The following CCDC91 variants were observed in gnomAD, a reference collection of about 807,000 sequenced individuals.
CCDC91 encodes coiled-coil domain-containing protein 91.
A neutral mutation model predicts 63.2 loss-of-function variants in CCDC91; 48 were observed. The ratio of observed to expected loss-of-function variants is 0.76; its 90% confidence interval spans 0.60 to 0.97. The LOEUF (loss-of-function observed/expected upper bound fraction) is 0.97. Ranked by LOEUF, CCDC91 falls within the 50% of genes least tolerant of loss-of-function variation. CCDC91 has a pLI of 0.00. For synonymous variants in CCDC91, 167 were observed against 165.8 expected (o/e 1.01, Z -0.06); for missense variants, 500 against 494.6 (o/e 1.01, Z -0.10).
chr12:28,372,725 T>C (rs1944700206), intron 7 of CCDC91, among the ~76,000 whole-genome samples: 1 of 152,186 alleles, frequency 6.6e-6, no homozygotes, highest in East Asian at 1.9e-4. Flanking sequence ...CTAAGAGTTT[T>C]TTGGAGGAGT....
chr12:28,316,401 T>C (rs1939862872), intron 6 of CCDC91, among the ~76,000 whole-genome samples: 1 of 151,704 alleles, frequency 6.6e-6, no homozygotes, highest in Non-Finnish European at 1.5e-5. Flanking sequence ...TTTTCTAAAA[T>C]CTCTCATCAT....
At chr12:28,249,711 A>G (rs1480020139) in intron 1 of CCDC91, among the ~76,000 whole-genome samples, 2 of 151,498 alleles carry the variant, frequency 1.3e-5, no homozygotes. Context: ...TGCTCTCACT[A>G]TGATTACTTT....
At chr12:28,386,461 C>T (rs1436452704) in intron 7 of CCDC91, among the ~76,000 whole-genome samples, 11 of 152,170 alleles carry the variant, frequency 7.2e-5, no homozygotes, top group East Asian at 5.8e-4. Flanking sequence ...CTCTGCCTCC[C>T]GGGTTCAAGC....
At chr12:28,233,816 C>T (rs1253410798) in intron 1 of CCDC91, among the ~76,000 whole-genome samples, 1 of 151,994 alleles carries the variant, frequency 6.6e-6, no homozygotes. Flanking sequence ...ACATGAGCCT[C>T]TGTTACTTTA....
intron 1 of CCDC91, among the ~76,000 whole-genome samples, chr12:28,203,861 C>T (rs1424400974): frequency 6.6e-6 from 1 of 151,966 alleles, no homozygotes; most frequent in African/African-American, 2.4e-5. Flanking sequence ...GCTAAAAATT[C>T]AATTGAATTG....
chr12:28,531,340 A>G (rs865976418), intron 12 of CCDC91, among the ~76,000 whole-genome samples: 2 of 152,168 alleles, frequency 1.3e-5, no homozygotes, highest in Non-Finnish European at 2.9e-5. Context: ...GACTCGACAA[A>G]TTATCAAAAT....
chr12:28,243,033 A>G (rs1027486537), intron 1 of CCDC91, among the ~76,000 whole-genome samples: 1 of 152,206 alleles, frequency 6.6e-6, no homozygotes, highest in African/African-American at 2.4e-5. Context: ...TACAACCTGC[A>G]GAACCGTGGG....
intron 7 of CCDC91, among the ~76,000 whole-genome samples, chr12:28,370,940 TC>T (rs973002475): frequency 3.3e-5 from 5 of 152,046 alleles, no homozygotes; most frequent in Admixed American, 6.5e-5. Context: ...TCTAATCACT[TC>T]CTGCCAGGCC....
At chr12:28,439,387 A>C (rs1446816562) in intron 8 of CCDC91, among the ~76,000 whole-genome samples, 4 of 152,138 alleles carry the variant, frequency 2.6e-5, no homozygotes, top group African/African-American at 9.7e-5. Flanking sequence ...AGTGTCTTTT[A>C]AGTCATGTTA....
At chr12:28,491,098 C>A (rs1951977734) in intron 12 of CCDC91, among the ~76,000 whole-genome samples, 2 of 151,236 alleles carry the variant, frequency 1.3e-5, no homozygotes, top group Non-Finnish European at 3.0e-5. Context: ...CGGTATTTTT[C>A]ATTGGTTTTT....
At position 28,306,861 on chromosome 12, in the gene CCDC91, A is replaced by T. The variant is rs1938796185; in HGVS notation, c.387A>T (p.Val129=). The part of the protein sequence containing the change: ...VDDSEDPGAN[V]SNIQLQQKIS... ...ATTCTGAGGATCCTGGAGCCAATGT[A>T]TCTAACATACAGCTTCAGCAAAAAA... The change falls in exon 5 of 13, where the codon GTA becomes GTT. Residue 129 remains valine (V), a synonymous_variant. Coordinates refer to ENST00000536442, the MANE Select transcript of CCDC91 (RefSeq NM_018318.5). The T allele has an allele frequency of 1.2e-6, 2 of 1,612,212 alleles. No individual in the cohort carries two copies. The highest frequency in any genetic ancestry group is 1.7e-6 in the Non-Finnish European group (2 of 1,178,790).
intron 7 of CCDC91, among the ~76,000 whole-genome samples, chr12:28,372,097 C>A (rs556122609): frequency 6.6e-6 from 1 of 152,168 alleles, no homozygotes; most frequent in African/African-American, 2.4e-5. Context: ...AATAGGGTGT[C>A]CTTTCCTCAA....
intron 6 of CCDC91, among the ~76,000 whole-genome samples, chr12:28,318,075 CTT>C (rs950781342): frequency 6.6e-6 from 1 of 151,490 alleles, no homozygotes; most frequent in Non-Finnish European, 1.5e-5. Context: ...AGCTTTAACT[CTT>C]TTTTTATTAG....
At chr12:28,471,953 G>T (rs1194482708) in intron 11 of CCDC91, among the ~76,000 whole-genome samples, 1 of 152,074 alleles carries the variant, frequency 6.6e-6, no homozygotes, top group East Asian at 1.9e-4. Context: ...GTTTTGCCCT[G>T]TTGGCCAGGC....
chr12:28,546,516 T>C (rs141998781), intron 12 of CCDC91, among the ~76,000 whole-genome samples: 1 of 152,162 alleles, frequency 6.6e-6, no homozygotes, highest in Non-Finnish European at 1.5e-5. Context: ...TGATTTATAA[T>C]TGGAGGTAGC....
At chr12:28,379,190 A>G (rs903241421) in intron 7 of CCDC91, among the ~76,000 whole-genome samples, 41 of 152,102 alleles carry the variant, frequency 2.7e-4, no homozygotes, top group Non-Finnish European at 4.6e-4. Context: ...TAGAGTTTAC[A>G]TAAAAACCCT....
intron 11 of CCDC91, among the ~76,000 whole-genome samples, chr12:28,478,184 A>C (rs1211073943): frequency 6.6e-6 from 1 of 152,174 alleles, no homozygotes; most frequent in Non-Finnish European, 1.5e-5. Flanking sequence ...GCAAAGCTGG[A>C]GGCATCACAC....
At chr12:28,364,862 A>G (rs1944171535) in intron 7 of CCDC91, among the ~76,000 whole-genome samples, 1 of 152,100 alleles carries the variant, frequency 6.6e-6, no homozygotes, top group African/African-American at 2.4e-5. Flanking sequence ...TTTTTTCCAT[A>G]TTATTATGAA....
intron 11 of CCDC91, among the ~76,000 whole-genome samples, chr12:28,453,019 A>G (rs1389354039): frequency 6.6e-6 from 1 of 151,892 alleles, no homozygotes; most frequent in Non-Finnish European, 1.5e-5. Flanking sequence ...CAATCAATAC[A>G]AAATAATATA....
Sources: gnomAD v4.1 joint callset for allele counts (sites outside exome capture counted in the v4.1 genomes callset) on GRCh38, gnomAD v4.1.1 for gene constraint, MANE v1.5 for transcripts, NCBI Gene and HGNC (gene_info 2026-07-23, HGNC 2026-07-21) for gene names.